GHR: variants seen among roughly 807,000 people sequenced by gnomAD.
GHR encodes growth hormone receptor, also known as GH receptor.
Under a neutral mutation model 67.1 loss-of-function variants are expected in GHR, and 35 were observed. The ratio of observed to expected loss-of-function variants is 0.52; its 90% CI spans 0.40 to 0.69. GHR has a LOEUF of 0.69. Among genes scored for constraint, GHR ranks in the 30% least tolerant of loss-of-function variants. The pLI is 0.00. For synonymous variants in GHR, 272 were observed against 269.1 expected (o/e 1.01, Z -0.10); for missense variants, 792 against 764.6 (o/e 1.04, Z -0.42).
intron 3 of GHR, among the ~76,000 whole-genome samples, chr5:42,661,364 G>A (rs901147732): frequency 6.6e-6 from 1 of 152,178 alleles, no homozygotes; most frequent in Non-Finnish European, 1.5e-5. Flanking sequence ...GAAAGGTCGG[G>A]TTACCCAGAA....
At chr5:42,684,991 C>T (rs990903977) in intron 3 of GHR, among the ~76,000 whole-genome samples, 7 of 152,058 alleles carry the variant, frequency 4.6e-5, no homozygotes, top group South Asian at 2.1e-4. Flanking sequence ...ATGTGCAGAA[C>T]GTGCAGGTTT....
chr5:42,636,248 G>A (rs915730187), intron 3 of GHR, among the ~76,000 whole-genome samples: 19 of 150,084 alleles, frequency 1.3e-4, no homozygotes, highest in Admixed American at 3.3e-4. Context: ...AGCCTAAGAA[G>A]GATGATTAAG....
intron 1 of GHR, among the ~76,000 whole-genome samples, chr5:42,555,514 C>T (rs1749259283): frequency 6.6e-6 from 1 of 152,158 alleles, no homozygotes; most frequent in South Asian, 2.1e-4. Flanking sequence ...TAAAGGCAGG[C>T]CTTGGAAAGA....
At chr5:42,521,499 GA>G (rs1248946179) in intron 1 of GHR, among the ~76,000 whole-genome samples, 1 of 152,148 alleles carries the variant, frequency 6.6e-6, no homozygotes, top group Non-Finnish European at 1.5e-5. Context: ...ATATAATTTA[GA>G]ATTTAGTTTC....
At chr5:42,550,205 TG>T in intron 1 of GHR, 1 of 350,294 alleles carries the variant, frequency 2.9e-6, no homozygotes, top group South Asian at 1.1e-4. Context: ...CCCATTGGAC[TG>T]GGGACAGGAG....
chr5:42,534,122 GTATA>G (rs201325838), intron 1 of GHR, among the ~76,000 whole-genome samples: 2 of 139,326 alleles, frequency 1.4e-5, no homozygotes, highest in South Asian at 4.3e-4. Flanking sequence ...ATATATGTAT[GTATA>G]TATATGTACA....
intron 1 of GHR, among the ~76,000 whole-genome samples, chr5:42,512,544 T>C (rs759255050): frequency 2.3e-4 from 35 of 152,302 alleles, no homozygotes; most frequent in Non-Finnish European, 4.4e-4. Flanking sequence ...ACTATAAGGC[T>C]GTGTGACCAG....
chr5:42,692,681 G>A (rs1341001576), intron 4 of GHR, among the ~76,000 whole-genome samples: 2 of 152,134 alleles, frequency 1.3e-5, no homozygotes, highest in Admixed American at 6.5e-5. Context: ...TCTAAACAGG[G>A]TTTTTTAAAC....
chr5:42,563,384 G>C (rs1749724059), intron 1 of GHR, among the ~76,000 whole-genome samples: 1 of 151,954 alleles, frequency 6.6e-6, no homozygotes, highest in South Asian at 2.1e-4. Flanking sequence ...GAAGGCCAAG[G>C]CGGGTGGGTC....
At chr5:42,684,615 C>T (rs1009502966) in intron 3 of GHR, among the ~76,000 whole-genome samples, 3 of 152,146 alleles carry the variant, frequency 2.0e-5, no homozygotes, top group Admixed American at 1.3e-4. Flanking sequence ...GGCTCGTACA[C>T]CTCAGTGTTC....
At chr5:42,517,238 C>CA (rs1747278091) in intron 1 of GHR, among the ~76,000 whole-genome samples, 1 of 152,152 alleles carries the variant, frequency 6.6e-6, no homozygotes, top group African/African-American at 2.4e-5. Context: ...GGAAAGACAA[C>CA]AATAACTTCA....
chr5:42,679,527 A>G (rs1220301259), intron 3 of GHR, among the ~76,000 whole-genome samples: 6 of 152,018 alleles, frequency 3.9e-5, no homozygotes, highest in Non-Finnish European at 8.8e-5. Context: ...CAGGAGGCTG[A>G]GGCAGGAGAA....
At chr5:42,565,418 A>G (rs1749868392) in intron 1 of GHR, 1 of 980,480 alleles carries the variant, frequency 1.0e-6, no homozygotes. Context: ...CAGATTTATG[A>G]AATGTTACTA....
chr5:42,465,270 T>G, intron 1 of GHR: 1 of 622,774 alleles, frequency 1.6e-6, no homozygotes, highest in Non-Finnish European at 2.8e-6. Context: ...GAATTTGATT[T>G]TCTTATACTG....
chr5:42,599,684 G>T (rs557198268), intron 2 of GHR, among the ~76,000 whole-genome samples: 1 of 152,122 alleles, frequency 6.6e-6, no homozygotes, highest in South Asian at 2.1e-4. Context: ...TTTGTAAGCA[G>T]ATGAATTGGT....
At chr5:42,434,468 T>G (rs1743234397) in intron 1 of GHR, among the ~76,000 whole-genome samples, 1 of 151,780 alleles carries the variant, frequency 6.6e-6, no homozygotes. Flanking sequence ...TTGAAATACT[T>G]GAGTCTCATA....
At chr5:42,609,277 G>T (rs1442801038) in intron 2 of GHR, among the ~76,000 whole-genome samples, 1 of 152,148 alleles carries the variant, frequency 6.6e-6, no homozygotes, top group Non-Finnish European at 1.5e-5. Flanking sequence ...AGGCATGGAG[G>T]GGACAGGTGC....
At chr5:42,459,516 G>A (rs1043739964) in intron 1 of GHR, among the ~76,000 whole-genome samples, 3 of 152,140 alleles carry the variant, frequency 2.0e-5, no homozygotes, top group African/African-American at 7.2e-5. Flanking sequence ...CTACTTGTGG[G>A]TAGAGGGAGG....
At chr5:42,651,801 C>T (rs562739819) in intron 3 of GHR, among the ~76,000 whole-genome samples, 1 of 151,868 alleles carries the variant, frequency 6.6e-6, no homozygotes, top group East Asian at 1.9e-4. Flanking sequence ...CTACTAAATC[C>T]AATAGTATAT....
Sources: allele counts gnomAD v4.1 joint callset (sites outside exome capture counted in the v4.1 genomes callset), GRCh38; gene constraint gnomAD v4.1.1; transcripts MANE v1.5; gene names NCBI Gene and HGNC (gene_info 2026-07-23, HGNC 2026-07-21).